The following NHSL1 variants were observed in gnomAD, a reference collection of about 807,000 sequenced individuals.
NHSL1 encodes NHS-like protein 1.
In NHSL1, 48 loss-of-function variants were observed where a neutral mutation model predicts 95.0. The ratio of observed to expected loss-of-function variants is 0.51; its 90% CI spans 0.40 to 0.64. The LOEUF (loss-of-function observed/expected upper bound fraction) is 0.64. Ranked by LOEUF, NHSL1 falls within the 30% of genes least tolerant of loss-of-function variation. The pLI, the probability that NHSL1 is intolerant of heterozygous loss-of-function variation, is 0.00. For synonymous variants in NHSL1, 783 were observed against 833.9 expected, an observed-to-expected ratio of 0.94 and a Z score of 1.05; for missense variants, 1,971 against 2,077.7, an observed-to-expected ratio of 0.95 and a Z score of 1.00.
At chr6:138,573,870 A>G (rs1783920087), upstream of NHSL1, among the ~76,000 whole-genome samples, 1 of 152,182 alleles carries the variant, frequency 6.6e-6, no homozygotes, top group East Asian at 1.9e-4. Context: ...GATGCTTGCT[A>G]CATCACCAAG....
intron 1 of NHSL1, among the ~76,000 whole-genome samples, chr6:138,617,707 C>A (rs1784599478): frequency 6.6e-6 from 1 of 152,242 alleles, no homozygotes; most frequent in Non-Finnish European, 1.5e-5. Flanking sequence ...CTAAGCTTGA[C>A]AGAGCTTCTG....
chr6:138,587,667 A>G (rs1034441588), intron 1 of NHSL1, among the ~76,000 whole-genome samples: 3 of 152,234 alleles, frequency 2.0e-5, no homozygotes, highest in Non-Finnish European at 4.4e-5. Flanking sequence ...TAAAAGACAA[A>G]GAAAATGAAG....
chr6:138,665,737 T>C (rs1785285581), intron 1 of NHSL1, among the ~76,000 whole-genome samples: 1 of 152,196 alleles, frequency 6.6e-6, no homozygotes, highest in South Asian at 2.1e-4. Flanking sequence ...CTGTCTCAGT[T>C]TTCTATTGCA....
chr6:138,563,355 G>A (rs530609405), intron 1 of NHSL1, among the ~76,000 whole-genome samples: 13 of 152,220 alleles, frequency 8.5e-5, no homozygotes, highest in Admixed American at 2.6e-4. Context: ...AGGATTTGAC[G>A]TCAACACTGA....
At position 138,505,862 on chromosome 6, in the gene NHSL1, G is replaced by A. The variant is rs117392416; in HGVS notation, c.17-9491C>T. Among the ~76,000 whole-genome samples the A allele has an allele frequency of 5.1e-4, 78 of 152,146 alleles. 1 individual carries two copies. Among genetic ancestry groups the A allele is most frequent in the African/African-American group, 1.7e-3 (71 of 41,508 alleles). On this transcript the variant is annotated intron_variant, in intron 1 of 4. Coordinates refer to the NHSL1 transcript ENST00000342260. Reference sequence around the variant, plus strand: ...TTCAGGGCAACCTTATCTATAAATGGTGCTTTTACTGATTGTTAATTCATT... The same window carrying A: ...TTCAGGGCAACCTTATCTATAAATGATGCTTTTACTGATTGTTAATTCATT...
chr6:138,651,390 T>C (rs1274934197), intron 1 of NHSL1, among the ~76,000 whole-genome samples: 1 of 152,252 alleles, frequency 6.6e-6, no homozygotes, highest in Non-Finnish European at 1.5e-5. Flanking sequence ...CTTTTTGTAA[T>C]ATGCAAGCTT....
chr6:138,643,337 C>T (rs1346248905), intron 1 of NHSL1, among the ~76,000 whole-genome samples: 1 of 152,200 alleles, frequency 6.6e-6, no homozygotes, highest in Non-Finnish European at 1.5e-5. Flanking sequence ...TATCCACATC[C>T]TCCATGGGGT....
intron 1 of NHSL1, among the ~76,000 whole-genome samples, chr6:138,657,225 A>T (rs950245688): frequency 6.6e-5 from 10 of 152,334 alleles, no homozygotes; most frequent in African/African-American, 2.4e-4. Flanking sequence ...CAACAATGTC[A>T]TTCAGGACCT....
intron 1 of NHSL1, among the ~76,000 whole-genome samples, chr6:138,629,067 C>T (rs1784782149): frequency 6.6e-6 from 1 of 152,236 alleles, no homozygotes; most frequent in African/African-American, 2.4e-5. Context: ...CAATAAAGCA[C>T]AGTTTTCTTC....
At chr6:138,473,231 A>G in intron 3 of NHSL1, 75 bp downstream of exon 3, 1 of 1,234,260 alleles carries the variant, frequency 8.1e-7, no homozygotes, top group Non-Finnish European at 1.0e-6. Context: ...TTTTGATTTT[A>G]CCAGTTTGTC....
intron 1 of NHSL1, among the ~76,000 whole-genome samples, chr6:138,507,878 G>A (rs1781038102): frequency 1.3e-5 from 2 of 152,166 alleles, no homozygotes; most frequent in Admixed American, 1.3e-4. Flanking sequence ...AGTGGTTGGG[G>A]ACAGAAAGGG....
At chr6:138,488,004 G>A (rs1283017101) in intron 2 of NHSL1, among the ~76,000 whole-genome samples, 4 of 152,268 alleles carry the variant, frequency 2.6e-5, no homozygotes, top group East Asian at 1.9e-4. Context: ...GTGGCTGGGC[G>A]TGGTGGCTCA....
Position 138,432,939 on chromosome 6 carries a change from C to T in NHSL1, c.1406G>A (p.Arg469His), listed in dbSNP as rs762683155. The T allele has an allele frequency of 3.1e-4, 481 of 1,551,154 alleles. No individual in the cohort carries two copies. The highest frequency in any genetic ancestry group is 4.0e-4 in the Non-Finnish European group (458 of 1,146,678). ...GGTGGCATGGCCCTCATTCCAGTGGCGACCGGGAGACTGAGGATCACCTTT... is the reference window on the plus strand; with the variant it reads ...GGTGGCATGGCCCTCATTCCAGTGGTGACCGGGAGACTGAGGATCACCTTT... ...AVKGDPQSPG[R>H]HWNEGHATIL... is the part of the protein sequence containing the mutation. Residue 469 changes from arginine to histidine, a missense_variant, in exon 6 of 8, where the codon CGC becomes CAC. Physicochemically the swap from Arg to His is conservative, Grantham distance 29. This residue lies in a region of NHSL1 where 1,602 missense variants were observed against 1,654.5 expected (regional missense o/e 0.97). Coordinates refer to ENST00000343505, the MANE Select transcript of NHSL1 (RefSeq NM_001144060.2). This position sits in a 1 kb window ranked among gnomAD's most constrained non-coding sequence, Gnocchi z 4.4.
At chr6:138,581,860 G>GA (rs912103209) in intron 1 of NHSL1, among the ~76,000 whole-genome samples, 1 of 149,800 alleles carries the variant, frequency 6.7e-6, no homozygotes, top group Admixed American at 6.6e-5. Flanking sequence ...TCTGAATGAG[G>GA]AAAAAAAATT....
chr6:138,680,310 TG>T (rs1785496737), intron 1 of NHSL1, among the ~76,000 whole-genome samples: 1 of 152,224 alleles, frequency 6.6e-6, no homozygotes, highest in Admixed American at 6.5e-5. Context: ...AGTGTCACTC[TG>T]CACTGTCGCA....
intron 1 of NHSL1, among the ~76,000 whole-genome samples, chr6:138,651,631 G>A (rs9484193): frequency 0.042 from 6,359 of 152,224 alleles, 347 homozygotes; most frequent in African/African-American, 0.13. Flanking sequence ...ACATGGATCC[G>A]GAGCATATAT....
chr6:138,542,706 G>A (rs555356399), intron 1 of NHSL1, among the ~76,000 whole-genome samples: 2 of 152,334 alleles, frequency 1.3e-5, no homozygotes, highest in Admixed American at 6.5e-5. Context: ...TCAGAGAAGT[G>A]TAATTATGTT....
Position 138,442,023 on chromosome 6 carries a change from C to T in NHSL1, c.624G>A (p.Lys208=), listed in dbSNP as rs922051529. ...VRRPKKVKRR[K]TITGVPDNIQ... The stretch of plus-strand genomic sequence containing the variant: ...TGTTGTCAGGGACTCCTGTAATAGT[C>T]TTTCTCCTTTTGACTTTCTTCGGTC... The change falls in exon 5 of 8, where the codon AAG becomes AAA. Residue 208 remains lysine, a synonymous_variant. Coordinates refer to ENST00000343505, the MANE Select transcript of NHSL1 (RefSeq NM_001144060.2). The T allele has an allele frequency of 6.4e-7, 1 of 1,551,464 alleles. No individual in the cohort carries two copies. The highest frequency in any genetic ancestry group is 8.7e-7 in the Non-Finnish European group (1 of 1,146,888).
chr6:138,652,946 AT>A (rs1785111804), intron 1 of NHSL1, among the ~76,000 whole-genome samples: 1 of 152,228 alleles, frequency 6.6e-6, no homozygotes, highest in East Asian at 1.9e-4. Flanking sequence ...GGTTAGCTAA[AT>A]AGTCTAAATT....
Sources: gnomAD v4.1 joint callset for allele counts (sites outside exome capture counted in the v4.1 genomes callset) on GRCh38, gnomAD v4.1.1 for gene constraint, gnomAD v4.1.1 regional missense constraint, Gnocchi (gnomAD v3.1) non-coding constraint, MANE v1.5 for transcripts, NCBI Gene and HGNC (gene_info 2026-07-23, HGNC 2026-07-21) for gene names.